The following EXOC4 variants were observed in gnomAD, a reference collection of about 807,000 sequenced individuals.
EXOC4 encodes SEC8-like 1.
In EXOC4, 71 loss-of-function variants were observed where a neutral mutation model predicts 107.2. That is an observed-to-expected ratio of 0.66 (90% CI 0.55 to 0.81). The LOEUF (loss-of-function observed/expected upper bound fraction) is 0.81, where lower values mean the gene tolerates loss of function less well. Among genes scored for constraint, EXOC4 ranks in the 30% least tolerant of loss-of-function variants. The pLI, the probability that EXOC4 is intolerant of heterozygous loss-of-function variation, is 0.00. For missense variants in EXOC4, 1,108 were observed against 1,189.6 expected (o/e 0.93, Z 1.01); for synonymous variants, 456 against 441.2 (o/e 1.03, Z -0.42).
intron 12 of EXOC4, among the ~76,000 whole-genome samples, chr7:133,905,184 G>T (rs567948164): frequency 6.6e-6 from 1 of 152,134 alleles, no homozygotes. Context: ...TCTGCTGAGG[G>T]TTGGCTTGTT....
chr7:134,025,565 G>A (rs892890437), intron 17 of EXOC4, among the ~76,000 whole-genome samples: 2 of 152,218 alleles, frequency 1.3e-5, no homozygotes, highest in African/African-American at 2.4e-5. Flanking sequence ...GGCAGCTAGG[G>A]CTGGAGCATC....
At chr7:133,458,266 T>G (rs1798509696) in intron 7 of EXOC4, among the ~76,000 whole-genome samples, 1 of 152,272 alleles carries the variant, frequency 6.6e-6, no homozygotes, top group Admixed American at 6.5e-5. Flanking sequence ...ACTCTGGGGG[T>G]TGGGATTGTC....
At chr7:133,289,171 C>T in intron 3 of EXOC4, 55 bp downstream of exon 3, 2 of 1,474,356 alleles carry the variant, frequency 1.4e-6, no homozygotes, top group Middle Eastern at 3.6e-4. Flanking sequence ...AAAGCACTCT[C>T]TTTTATTCTC....
At chr7:133,509,314 G>C (rs2150896287) in intron 9 of EXOC4, among the ~76,000 whole-genome samples, 1 of 152,112 alleles carries the variant, frequency 6.6e-6, no homozygotes, top group Admixed American at 6.5e-5. Context: ...TGTAGTCCCA[G>C]CTACTCAGGA....
chr7:133,951,046 A>G (rs183677511), intron 14 of EXOC4, among the ~76,000 whole-genome samples: 2 of 152,238 alleles, frequency 1.3e-5, no homozygotes, highest in Non-Finnish European at 2.9e-5. Flanking sequence ...GAAGCGGAGC[A>G]TGGGTCACTG....
rs546285663 is a variant in EXOC4 at position 133,884,618 on chromosome 7, T to C, written c.1735-10981T>C. On this transcript the variant is annotated intron_variant, in intron 11 of 17. Transcript: ENST00000253861. ...GTGTGTGTGTGTGTGTGTGTGTGTG[T>C]GTGCGCGCGTGTGTGATGGTGCTGG... is the stretch of plus-strand genomic sequence containing the variant. Among the ~76,000 whole-genome samples the C allele has an allele frequency of 9.3e-3, 1,357 of 145,594 alleles. 17 individuals are homozygous for C. Among genetic ancestry groups the C allele is most frequent in the African/African-American group, 0.027 (1,055 of 39,396 alleles).
chr7:133,474,648 G>T (rs1461939760), intron 7 of EXOC4, among the ~76,000 whole-genome samples: 10 of 152,048 alleles, frequency 6.6e-5, no homozygotes, highest in Admixed American at 5.9e-4. Flanking sequence ...TGCTTTTCTT[G>T]TGTTGAAGCT....
At chr7:133,259,478 C>T (rs137976288) in intron 1 of EXOC4, among the ~76,000 whole-genome samples, 2 of 152,098 alleles carry the variant, frequency 1.3e-5, no homozygotes, top group African/African-American at 4.8e-5. Flanking sequence ...TGGCCTGCCT[C>T]GGCCTCCCAA....
intron 9 of EXOC4, among the ~76,000 whole-genome samples, chr7:133,495,281 T>C (rs550164313): frequency 1.8e-3 from 271 of 152,188 alleles, no homozygotes; most frequent in Non-Finnish European, 2.9e-3. Flanking sequence ...TGCGTAACAC[T>C]GGAGTTTTAG....
intron 10 of EXOC4, among the ~76,000 whole-genome samples, chr7:133,694,423 G>A (rs992622833): frequency 1.9e-4 from 29 of 152,094 alleles, no homozygotes; most frequent in African/African-American, 7.0e-4. Flanking sequence ...GAAGATGAGA[G>A]AATGTGACTT....
intron 10 of EXOC4, among the ~76,000 whole-genome samples, chr7:133,730,438 A>C (rs1795302763): frequency 6.6e-6 from 1 of 152,012 alleles, no homozygotes. Context: ...TCTTTCTAAC[A>C]GATTAGTAAG....
intron 14 of EXOC4, among the ~76,000 whole-genome samples, chr7:133,982,618 G>A (rs1794017484): frequency 6.6e-6 from 1 of 152,160 alleles, no homozygotes; most frequent in African/African-American, 2.4e-5. Context: ...TATTGAGGAG[G>A]AGGAGGAATT....
intron 12 of EXOC4, among the ~76,000 whole-genome samples, chr7:133,904,325 G>A (rs1157817999): frequency 2.6e-5 from 4 of 152,136 alleles, no homozygotes; most frequent in African/African-American, 9.7e-5. Flanking sequence ...TGGAGTGATT[G>A]GTTTAGGCGG....
At chr7:133,267,321 T>C (rs1237916101) in intron 1 of EXOC4, among the ~76,000 whole-genome samples, 3 of 152,172 alleles carry the variant, frequency 2.0e-5, no homozygotes, top group Non-Finnish European at 2.9e-5. Context: ...TTCTCCTTGA[T>C]TCATTTCCTG....
chr7:133,375,239 G>A (rs888875926), intron 7 of EXOC4, among the ~76,000 whole-genome samples: 1 of 152,200 alleles, frequency 6.6e-6, no homozygotes, highest in Non-Finnish European at 1.5e-5. Flanking sequence ...ACTTTGGGAG[G>A]CCAAGGCGGG....
At chr7:133,431,605 A>T (rs1247274181) in intron 7 of EXOC4, among the ~76,000 whole-genome samples, 1 of 152,198 alleles carries the variant, frequency 6.6e-6, no homozygotes, top group African/African-American at 2.4e-5. Flanking sequence ...TTTCCTCCTT[A>T]TTCTGCTCTT....
chr7:133,871,149 G>T (rs768516755), intron 11 of EXOC4, among the ~76,000 whole-genome samples: 5 of 152,160 alleles, frequency 3.3e-5, no homozygotes, highest in Non-Finnish European at 5.9e-5. Flanking sequence ...GTTCTTCAGG[G>T]TATCTGCATG....
intron 9 of EXOC4, among the ~76,000 whole-genome samples, chr7:133,518,411 C>G (rs1377469226): frequency 1.4e-5 from 2 of 145,638 alleles, no homozygotes; most frequent in Non-Finnish European, 3.0e-5. Flanking sequence ...ATTATTCATT[C>G]ATGGCCTCTC....
intron 12 of EXOC4, among the ~76,000 whole-genome samples, chr7:133,906,561 G>A (rs1357428190): frequency 6.6e-6 from 1 of 152,182 alleles, no homozygotes; most frequent in Admixed American, 6.5e-5. Flanking sequence ...CATTCGAGCC[G>A]GCAACGGCTA....
Sources: gnomAD v4.1 joint callset for allele counts (sites outside exome capture counted in the v4.1 genomes callset) on GRCh38, gnomAD v4.1.1 for gene constraint, MANE v1.5 for transcripts, NCBI Gene and HGNC (gene_info 2026-07-23, HGNC 2026-07-21) for gene names.